Variants in KMT2C observed in about 807,000 individuals in gnomAD.
KMT2C encodes lysine methyltransferase 2C.
KMT2C carries 88 observed loss-of-function variants against 507.9 expected under a neutral mutation model. The ratio of observed to expected loss-of-function variants is 0.17; its 90% CI spans 0.15 to 0.21. The LOEUF (loss-of-function observed/expected upper bound fraction) is 0.21. Among genes scored for constraint, KMT2C ranks in the 10% least tolerant of loss-of-function variants. The pLI, the probability that KMT2C is intolerant of heterozygous loss-of-function variation, is 1.00. For synonymous variants in KMT2C, 2,049 were observed against 2,080.8 expected (o/e 0.98, Z 0.42); for missense variants, 4,954 against 5,957.8 (o/e 0.83, Z 5.55).
chr7:152,197,747 A>T (rs1267967004), intron 27 of KMT2C, among the ~76,000 whole-genome samples: 1 of 152,112 alleles, frequency 6.6e-6, no homozygotes, highest in Non-Finnish European at 1.5e-5. Context: ...ATAGGCTACA[A>T]TGAATGACAT....
intron 28 of KMT2C, 77 bp from the exon 29 acceptor site, chr7:152,194,645 A>C: frequency 1.9e-6 from 2 of 1,071,682 alleles, no homozygotes; most frequent in Non-Finnish European, 2.8e-6. Context: ...ATTTACCTGT[A>C]CTTAGTATAT....
intron 6 of KMT2C, among the ~76,000 whole-genome samples, chr7:152,297,047 A>AGACAG (rs1563766837): frequency 1.9e-4 from 13 of 68,974 alleles, no homozygotes; most frequent in Non-Finnish European, 3.4e-4. Context: ...GAAAGAAAGA[A>AGACAG]AGAAAGACAG....
intron 6 of KMT2C, among the ~76,000 whole-genome samples, chr7:152,275,563 T>C (rs1410355103): frequency 6.6e-5 from 10 of 152,194 alleles, no homozygotes; most frequent in Admixed American, 6.5e-4. Context: ...CACTCAAGGG[T>C]ATTAATGCAT....
intron 6 of KMT2C, among the ~76,000 whole-genome samples, chr7:152,307,393 G>A (rs781178070): frequency 6.6e-5 from 10 of 151,338 alleles, no homozygotes; most frequent in Non-Finnish European, 1.5e-5. Context: ...AGGGAGGAAG[G>A]GAGGGGAGAA....
chr7:152,184,825 T>C (rs1246704766), intron 34 of KMT2C, among the ~76,000 whole-genome samples: 1 of 152,248 alleles, frequency 6.6e-6, no homozygotes, highest in African/African-American at 2.4e-5. Flanking sequence ...TCACCTAGGC[T>C]GGAATGCAGT....
At chr7:152,385,325 C>T (rs965860973) in intron 1 of KMT2C, among the ~76,000 whole-genome samples, 2 of 142,660 alleles carry the variant, frequency 1.4e-5, no homozygotes, top group African/African-American at 3.0e-5. Context: ...AAAATTGAGA[C>T]GTGTTGGCCG....
chr7:152,340,883 G>C (rs2096985280), intron 2 of KMT2C, among the ~76,000 whole-genome samples: 1 of 152,070 alleles, frequency 6.6e-6, no homozygotes, highest in Non-Finnish European at 1.5e-5. Context: ...GTTTAAGCAG[G>C]ATAGACTGCT....
At chr7:152,300,831 G>A (rs1358642051) in intron 6 of KMT2C, among the ~76,000 whole-genome samples, 5 of 152,166 alleles carry the variant, frequency 3.3e-5, no homozygotes, top group Non-Finnish European at 5.9e-5. Context: ...AGGCTGAGGC[G>A]GGTGGATCAC....
At chr7:152,161,398 G>A (rs2092447813) in intron 43 of KMT2C, among the ~76,000 whole-genome samples, 1 of 152,114 alleles carries the variant, frequency 6.6e-6, no homozygotes, top group Non-Finnish European at 1.5e-5. Context: ...GAATGCACTG[G>A]TAATGGCACT....
At chr7:152,435,509 C>T in intron 1 of KMT2C, 117 bp downstream of exon 1, 1 of 389,866 alleles carries the variant, frequency 2.6e-6, no homozygotes. Flanking sequence ...GGGCCCGCCC[C>T]GCCCCCACCC....
intron 6 of KMT2C, among the ~76,000 whole-genome samples, chr7:152,282,073 C>T (rs1451178480): frequency 1.3e-5 from 2 of 152,264 alleles, no homozygotes; most frequent in Admixed American, 6.5e-5. Context: ...AGGCGGATCA[C>T]TTGAGACCAG....
At chr7:152,254,033 G>C (rs2095606297) in intron 9 of KMT2C, among the ~76,000 whole-genome samples, 1 of 151,984 alleles carries the variant, frequency 6.6e-6, no homozygotes, top group Non-Finnish European at 1.5e-5. Context: ...GATATGAAAG[G>C]GATGCTCACT....
chr7:152,242,732 T>C (rs1749329358), intron 14 of KMT2C, among the ~76,000 whole-genome samples: 1 of 152,186 alleles, frequency 6.6e-6, no homozygotes, highest in African/African-American at 2.4e-5. Context: ...GAAGCAACTT[T>C]CTATTAAAAG....
intron 1 of KMT2C, among the ~76,000 whole-genome samples, chr7:152,360,400 C>T: frequency 6.6e-6 from 1 of 151,832 alleles, no homozygotes; most frequent in East Asian, 1.9e-4. Context: ...ATCGCTTGAA[C>T]CCAGTGGGCA....
chr7:152,170,691 C>T (rs148312252), intron 40 of KMT2C, among the ~76,000 whole-genome samples: 66 of 152,094 alleles, frequency 4.3e-4, no homozygotes, highest in East Asian at 1.9e-3. Flanking sequence ...TTTGTAGAGA[C>T]GGGGTTTCAC....
chr7:152,147,469 AGGTCAGGAG>A (rs1391486965), intron 52 of KMT2C, among the ~76,000 whole-genome samples: 2 of 152,114 alleles, frequency 1.3e-5, no homozygotes, highest in Non-Finnish European at 2.9e-5. Context: ...GGATCACCTG[AGGTCAGGAG>A]TTTGAGCCCA....
chr7:152,220,628 T>C lies in KMT2C; in HGVS notation c.3607A>G (p.Lys1203Glu). The change falls in exon 23 of 59, where the codon AAA becomes GAA. Residue 1203 changes from lysine (K) to glutamate (E), a missense_variant. Transcript: ENST00000262189. ...TVPRRKRSKP[K>E]LKLKIINQNS... ...TGATTTATAATCTTCAATTTCAATT[T>C]TGGTTTTGACCGTTTTCTTCTTGGA... The C allele has an allele frequency of 6.2e-7, 1 of 1,611,968 alleles. No individual in the cohort carries two copies. The highest frequency in any genetic ancestry group is 8.5e-7 in the Non-Finnish European group (1 of 1,179,808).
At chr7:152,320,054 T>G (rs1377458405) in intron 3 of KMT2C, among the ~76,000 whole-genome samples, 1 of 152,138 alleles carries the variant, frequency 6.6e-6, no homozygotes, top group Non-Finnish European at 1.5e-5. Flanking sequence ...TTTTCTTTTA[T>G]CTCTGTCTTG....
At chr7:152,308,910 G>A (rs886641563) in intron 6 of KMT2C, among the ~76,000 whole-genome samples, 1 of 152,014 alleles carries the variant, frequency 6.6e-6, no homozygotes, top group African/African-American at 2.4e-5. Flanking sequence ...CTTTATAGAT[G>A]GGAGGAAGCC....
Sources: allele counts gnomAD v4.1 joint callset (sites outside exome capture counted in the v4.1 genomes callset), GRCh38; gene constraint gnomAD v4.1.1; transcripts MANE v1.5; gene names NCBI Gene and HGNC (gene_info 2026-07-23, HGNC 2026-07-21).